The following RNPS1 variants were observed in gnomAD, a reference collection of about 807,000 sequenced individuals.
The protein encoded by RNPS1 is RNA binding protein with serine rich domain 1.
For missense variants in RNPS1, 300 were observed against 427.6 expected, an observed-to-expected ratio of 0.70 and a Z score of 2.63; for synonymous variants, 147 against 150.0, an observed-to-expected ratio of 0.98 and a Z score of 0.15.
chr16:2,265,814 A>G (rs1014408716), intron 1 of RNPS1: 1 of 152,344 alleles, frequency 6.6e-6, no homozygotes, highest in South Asian at 2.1e-4. Context: ...TATTAACTGT[A>G]TAACTCGACC....
intron 6 of RNPS1, chr16:2,258,517 C>A (rs989234142): frequency 1.3e-5 from 2 of 151,636 alleles, no homozygotes; most frequent in Non-Finnish European, 2.9e-5. Flanking sequence ...CTGAAGTCAG[C>A]AGTTTGAGAC....
chr16:2,267,921 C>T (rs2093632194), intron 1 of RNPS1, 134 bp downstream of exon 1: 2 of 1,530,114 alleles, frequency 1.3e-6, no homozygotes, highest in Non-Finnish European at 8.7e-7. Flanking sequence ...TCTTTCTTCT[C>T]GGAGCCCGCA....
intron 6 of RNPS1, among the ~76,000 whole-genome samples, chr16:2,259,837 C>G (rs566537092): frequency 6.6e-6 from 1 of 152,190 alleles, no homozygotes; most frequent in South Asian, 2.1e-4. Context: ...TGCAGTGAGC[C>G]GAGATTGCGC....
chr16:2,262,907 G>A (rs947500706), intron 4 of RNPS1, 65 bp from the exon 5 acceptor site: 18 of 1,438,422 alleles, frequency 1.3e-5, no homozygotes, highest in Admixed American at 3.5e-5. Context: ...GACGCCTTTC[G>A]AGTAAGCTCT....
intron 6 of RNPS1, 38 bp downstream of exon 6, chr16:2,262,240 T>A: frequency 6.3e-7 from 1 of 1,594,362 alleles, no homozygotes; most frequent in Non-Finnish European, 8.6e-7. Context: ...CGGCGGCGGG[T>A]CTCTGAGAGG....
chr16:2,261,087 G>T (rs1248522598), intron 6 of RNPS1, among the ~76,000 whole-genome samples: 2 of 151,580 alleles, frequency 1.3e-5, no homozygotes, highest in Non-Finnish European at 2.9e-5. Context: ...CCGAGGTGGT[G>T]CTACTGCACT....
intron 7 of RNPS1, among the ~76,000 whole-genome samples, chr16:2,254,421 G>A (rs928181772): frequency 1.3e-5 from 2 of 152,066 alleles, no homozygotes; most frequent in African/African-American, 4.8e-5. Flanking sequence ...AGCCTCCCGA[G>A]TAACTGGGAC....
chr16:2,254,170 T>C (rs2093565891), intron 7 of RNPS1, 107 bp from the exon 8 acceptor site: 1 of 803,792 alleles, frequency 1.2e-6, no homozygotes, highest in Non-Finnish European at 1.9e-6. Flanking sequence ...GGAATATCAC[T>C]CTGTCTCCAG....
chr16:2,258,060 A>G (rs1199143662), intron 6 of RNPS1: 21 of 152,238 alleles, frequency 1.4e-4, no homozygotes. Context: ...GTGCTTTTAA[A>G]ACCATTCTGC....
At chr16:2,255,540 G>C (rs779818912) in intron 7 of RNPS1, 45 bp downstream of exon 7, 28 of 1,533,494 alleles carry the variant, frequency 1.8e-5, no homozygotes, top group Non-Finnish European at 2.4e-5. Context: ...GCGGTCACAT[G>C]AGGTTTGTGG....
intron 1 of RNPS1, chr16:2,266,742 A>G: frequency 5.1e-6 from 5 of 982,484 alleles, no homozygotes; most frequent in Non-Finnish European, 6.0e-6. Context: ...AGCCACAAGC[A>G]TCACCTGAAA....
intron 4 of RNPS1, 82 bp from the exon 5 acceptor site, chr16:2,262,924 C>T (rs1041831897): frequency 2.1e-5 from 28 of 1,346,508 alleles, no homozygotes; most frequent in Admixed American, 1.9e-5. Context: ...CTCTTATCTG[C>T]TTGTGTGACA....
chr16:2,255,912 G>A, intron 6 of RNPS1, 186 bp from the exon 7 acceptor site: 7 of 620,884 alleles, frequency 1.1e-5, no homozygotes, highest in South Asian at 1.9e-5. Flanking sequence ...TGGATCACGA[G>A]GTCAGGAGAT....
chr16:2,263,658 G>A (rs2093612659), intron 3 of RNPS1, among the ~76,000 whole-genome samples: 1 of 152,202 alleles, frequency 6.6e-6, no homozygotes, highest in South Asian at 2.1e-4. Flanking sequence ...TGCCACCCAA[G>A]CTGGAGTGCA....
chr16:2,268,100 G>C lies in RNPS1; in HGVS notation c.-163C>G. 1.3e-6 allele frequency: 2 copies of C among 1,535,324 alleles called. No homozygotes were observed. The highest frequency in any genetic ancestry group is 2.4e-5 in the South Asian group (2 of 84,042). On this transcript the variant is annotated 5_prime_UTR_variant, in exon 1 of 8. Transcript: ENST00000320225. Reference sequence around the variant, plus strand: ...TCCTCCTGCTTTCCTCAGCCGCCGAGGCCGGCGCCGCTCTGACGTCAGAGT... The same window carrying C: ...TCCTCCTGCTTTCCTCAGCCGCCGACGCCGGCGCCGCTCTGACGTCAGAGT...
intron 4 of RNPS1, 22 bp downstream of exon 4, chr16:2,263,074 C>T: frequency 6.2e-7 from 1 of 1,607,076 alleles, no homozygotes; most frequent in Non-Finnish European, 8.5e-7. Flanking sequence ...TAAACTTTAG[C>T]TCCCAGGCGC....
rs776212835 is a variant in RNPS1 at position 2,262,726 on chromosome 16, T to C, written c.522+14A>G. The C allele has an allele frequency of 1.9e-6, 3 of 1,606,500 alleles. No individual in the cohort carries two copies. The Admixed American group carries it at 5.0e-5, about 27-fold the overall frequency. ...CACACCCCACTGCCCACAGGAGAGA[T>C]CCATGATCCTCACCTTTGTCACATT... On this transcript the variant is annotated intron_variant, in intron 5 of 7. Transcript: ENST00000320225.
chr16:2,266,534 C>G, intron 1 of RNPS1: 1 of 970,880 alleles, frequency 1.0e-6, no homozygotes, highest in Non-Finnish European at 1.2e-6. Context: ...CAGTTCCAAC[C>G]TTATAGTTAC....
At chr16:2,256,440 C>G (rs759324753) in intron 6 of RNPS1, 3 of 151,964 alleles carry the variant, frequency 2.0e-5, no homozygotes, top group Non-Finnish European at 2.9e-5. Context: ...TGCCTGTAAT[C>G]GCAGCTACTC....
Sources: allele counts gnomAD v4.1 joint callset (sites outside exome capture counted in the v4.1 genomes callset), GRCh38; gene constraint gnomAD v4.1.1; transcripts MANE v1.5; gene names NCBI Gene and HGNC (gene_info 2026-07-23, HGNC 2026-07-21).